The following ARAP1 variants were observed in gnomAD, a reference collection of about 807,000 sequenced individuals.
The protein encoded by ARAP1 is arf-GAP with Rho-GAP domain, ANK repeat and PH domain-containing protein 1.
A neutral mutation model predicts 172.2 loss-of-function variants in ARAP1; 76 were observed. That is an observed-to-expected ratio of 0.44 (90% CI 0.37 to 0.53). The LOEUF is 0.53. Ranked by LOEUF, ARAP1 falls within the 20% of genes least tolerant of loss-of-function variation. The probability of loss-of-function intolerance (pLI) is 0.00; values close to 1 mark genes in which losing one functional copy is unlikely to be tolerated. For missense variants in ARAP1, 1,686 were observed against 1,977.5 expected, an observed-to-expected ratio of 0.85 and a Z score of 2.80; for synonymous variants, 804 against 803.3, an observed-to-expected ratio of 1.00 and a Z score of -0.01.
At chr11:72,746,795 G>C (rs1488276283) in intron 1 of ARAP1, among the ~76,000 whole-genome samples, 3 of 152,206 alleles carry the variant, frequency 2.0e-5, no homozygotes, top group Non-Finnish European at 4.4e-5. Context: ...AAGCTCCAGG[G>C]AAGTTGAGTA....
intron 11 of ARAP1, 55 bp downstream of exon 11, chr11:72,709,815 G>A: frequency 6.3e-7 from 1 of 1,586,650 alleles, no homozygotes; most frequent in Non-Finnish European, 8.7e-7. Flanking sequence ...TCGCGCAAAA[G>A]GAAAACATTA....
intron 3 of ARAP1, among the ~76,000 whole-genome samples, chr11:72,719,263 C>T (rs1231482945): frequency 2.6e-5 from 4 of 152,200 alleles, no homozygotes; most frequent in Non-Finnish European, 5.9e-5. Context: ...CCTCCTCTTA[C>T]CCATGACCAC....
intron 23 of ARAP1, among the ~76,000 whole-genome samples, chr11:72,696,266 G>A (rs1185655162): frequency 2.0e-5 from 3 of 152,182 alleles, no homozygotes; most frequent in Admixed American, 6.5e-5. Context: ...ATCTAATGCC[G>A]CGGCTGATCT....
intron 1 of ARAP1, among the ~76,000 whole-genome samples, chr11:72,744,044 T>G (rs1396822172): frequency 6.6e-6 from 1 of 152,098 alleles, no homozygotes; most frequent in Non-Finnish European, 1.5e-5. Context: ...TCCCTTTGCC[T>G]AGAACATCTT....
At chr11:72,735,686 A>C (rs12289259) in intron 1 of ARAP1, among the ~76,000 whole-genome samples, 21,968 of 152,202 alleles carry the variant, frequency 0.14, 2,060 homozygotes, top group African/African-American at 0.26. Flanking sequence ...CGGTCCCAGC[A>C]ACCCCACTGG....
chr11:72,685,906 C>A (rs977094802), intron 34 of ARAP1, 136 bp downstream of exon 34: 1 of 1,519,434 alleles, frequency 6.6e-7, no homozygotes, highest in Non-Finnish European at 9.1e-7. Flanking sequence ...CCTATGAGGG[C>A]CCCCACCAAG....
chr11:72,699,160 C>T lies in ARAP1; in HGVS notation c.2439-53G>A. The T allele has an allele frequency of 6.3e-7, 1 of 1,578,750 alleles. No individual in the cohort carries two copies. The highest frequency in any genetic ancestry group is 8.7e-7 in the Non-Finnish European group (1 of 1,150,170). On this transcript the variant is annotated intron_variant, in intron 17 of 34. Transcript: ENST00000393609. The surrounding 1 kb of genome is among the most constrained non-coding windows in gnomAD (Gnocchi z 4.2). Reference sequence around the variant, plus strand: ...CCCACCTCATCCAGCACGGGCCCACCCCCAACCCGCACCATCAACCGCCAT... The same window carrying T: ...CCCACCTCATCCAGCACGGGCCCACTCCCAACCCGCACCATCAACCGCCAT...
chr11:72,688,266 T>A (rs1330154813), intron 31 of ARAP1, among the ~76,000 whole-genome samples, 189 bp downstream of exon 31: 1 of 152,140 alleles, frequency 6.6e-6, no homozygotes, highest in Non-Finnish European at 1.5e-5. Flanking sequence ...ATTACAGATA[T>A]GAGCCACTGC....
At chr11:72,712,134 C>A (rs1026469028) in intron 7 of ARAP1, 62 bp downstream of exon 7, 32 of 1,499,656 alleles carry the variant, frequency 2.1e-5, no homozygotes, top group Non-Finnish European at 2.7e-5. Context: ...GTCCTGGGGT[C>A]CTGGACACTG....
intron 1 of ARAP1, among the ~76,000 whole-genome samples, chr11:72,737,630 T>C (rs1360559631): frequency 7.4e-6 from 1 of 135,496 alleles, no homozygotes; most frequent in Non-Finnish European, 1.5e-5. Flanking sequence ...CATTTGTTCT[T>C]TTTTTTTTTT....
intron 3 of ARAP1, among the ~76,000 whole-genome samples, 156 bp from the exon 4 acceptor site, chr11:72,714,477 C>A (rs1003628744): frequency 6.6e-6 from 1 of 152,148 alleles, no homozygotes; most frequent in Non-Finnish European, 1.5e-5. Flanking sequence ...CAACTCATCT[C>A]CCAGACCAAA....
intron 8 of ARAP1, 110 bp downstream of exon 8, chr11:72,711,320 G>A: frequency 6.7e-7 from 1 of 1,484,934 alleles, no homozygotes; most frequent in East Asian, 2.3e-5. Flanking sequence ...TAAGGGGTCA[G>A]ACTTAGAACT....
chr11:72,701,742 A>T lies in ARAP1; in HGVS notation c.2209T>A (p.Tyr737Asn), dbSNP rs753475964. 9 of 1,613,820 alleles carry T rather than the reference A, an allele frequency of 5.6e-6. No homozygotes were observed. The highest frequency in any genetic ancestry group is 8.5e-7 in the Non-Finnish European group (1 of 1,179,892). The change falls in exon 16 of 35, where the codon TAC (tyrosine) becomes AAC (asparagine). Residue 737 changes from tyrosine to asparagine, a missense_variant. Physicochemically the swap from Tyr to Asn is moderately radical, Grantham distance 143 (BLOSUM62 -2). Coordinates refer to ENST00000393609, the MANE Select transcript of ARAP1 (RefSeq NM_001040118.3). ...LDSMKPLEKH[Y>N]SVVLPTVSHS... Reference sequence around the variant, plus strand: ...CTCACGGTCGGCAGGACAACTGAGTAGTGCTTTTCCAGGGGCTTCATCGAG... The same window carrying T: ...CTCACGGTCGGCAGGACAACTGAGTTGTGCTTTTCCAGGGGCTTCATCGAG...
rs1856030377 is a variant in ARAP1, at chr11:72,693,487, G to C, written c.3809-17C>G. 1 of 1,610,032 alleles carries C rather than the reference G, an allele frequency of 6.2e-7. No homozygotes were observed. The highest frequency in any genetic ancestry group is 1.1e-5 in the South Asian group (1 of 90,726). ...CACGGCTGGCTGGGGGGTGGGACTG[G>C]AGTGGGCACAGGCTGCACCAACCCC... On this transcript the variant is annotated splice_polypyrimidine_tract_variant and intron_variant, in intron 28 of 34. Coordinates refer to ENST00000393609, the MANE Select transcript of ARAP1 (RefSeq NM_001040118.3). This position sits in a 1 kb window ranked among gnomAD's most constrained non-coding sequence, Gnocchi z 4.6.
rs754628608 is a variant in ARAP1, at chr11:72,695,713, C to T, written c.3420+5G>A. The T allele has an allele frequency of 6.2e-6, 10 of 1,614,114 alleles. No homozygotes were observed. The highest frequency in any genetic ancestry group is 1.7e-5 in the Admixed American group (1 of 60,022). On this transcript the variant is annotated splice_donor_5th_base_variant and intron_variant, in intron 24 of 34. Transcript: ENST00000393609. This position sits in a 1 kb window ranked among gnomAD's most constrained non-coding sequence, Gnocchi z 4.4. Reference sequence around the variant, plus strand: ...CCCTCCACTGCCCACTGGCCAGGGACGCACACTAAACACCACCACATAGTG... The same window carrying T: ...CCCTCCACTGCCCACTGGCCAGGGATGCACACTAAACACCACCACATAGTG...
At chr11:72,722,374 G>T in intron 3 of ARAP1, 1 of 985,262 alleles carries the variant, frequency 1.0e-6, no homozygotes, top group African/African-American at 1.7e-5. Context: ...AGAATCCCCC[G>T]GGGCAGACAC....
chr11:72,694,225 A>G (rs959871759), intron 27 of ARAP1, among the ~76,000 whole-genome samples: 1 of 151,712 alleles, frequency 6.6e-6, no homozygotes, highest in Non-Finnish European at 1.5e-5. Context: ...TTCTCCTTGG[A>G]CGAAACCATG....
In ARAP1 at chr11:72,726,959, CGGT is replaced by C. The variant is rs1857711548; in HGVS notation, c.167_169del (p.His56del). ...GAGCAGGCCAGCCAGGATGCGGCGG[CGGT>C]GACCAGGGAGTAGCATGCCCATGTC... On this transcript the variant is annotated inframe_deletion, in exon 3 of 35. Coordinates refer to ENST00000393609, the MANE Select transcript of ARAP1 (RefSeq NM_001040118.3). This position sits in a 1 kb window ranked among gnomAD's most constrained non-coding sequence, Gnocchi z 6.5. The C allele has an allele frequency of 6.3e-7, 1 of 1,599,668 alleles. No homozygotes were observed. The highest frequency in any genetic ancestry group is 8.5e-7 in the Non-Finnish European group (1 of 1,173,718).
In ARAP1 at chr11:72,685,393, A is replaced by C. The variant is rs183975270; in HGVS notation, c.*271T>G. On this transcript the variant is annotated 3_prime_UTR_variant, in exon 35 of 35. Transcript: ENST00000393609. Reference sequence around the variant, plus strand: ...CTTATGCCCATCTCTCCAGCCCCACAAGGACAGTGAACCCGGTGGGGTGAG... The same window carrying C: ...CTTATGCCCATCTCTCCAGCCCCACCAGGACAGTGAACCCGGTGGGGTGAG... The C allele has an allele frequency of 5.6e-4, 307 of 548,742 alleles. 1 individual carries two copies. Among genetic ancestry groups the C allele is most frequent in the African/African-American group, 5.1e-3 (267 of 52,680 alleles). The allele number at this position is 548,742 out of a possible 1,614,324, so 34.0% of individuals were successfully genotyped here.
Sources: gnomAD v4.1 joint callset for allele counts (sites outside exome capture counted in the v4.1 genomes callset) on GRCh38, gnomAD v4.1.1 for gene constraint, Gnocchi (gnomAD v3.1) non-coding constraint, MANE v1.5 for transcripts, NCBI Gene and HGNC (gene_info 2026-07-23, HGNC 2026-07-21) for gene names.